The following GRIN2B variants were observed in gnomAD, a reference collection of about 807,000 sequenced individuals.
GRIN2B encodes glutamate ionotropic receptor NMDA type subunit 2B.
A neutral mutation model predicts 114.5 loss-of-function variants in GRIN2B; 5 were observed. The observed-to-expected ratio is 0.04, with a 90% CI of 0.02 to 0.09. GRIN2B has a LOEUF of 0.09. Among genes scored for constraint, GRIN2B ranks in the 10% least tolerant of loss-of-function variants. The pLI is 1.00. For synonymous variants in GRIN2B, 787 were observed against 745.1 expected (o/e 1.06, Z -0.92); for missense variants, 1,108 against 1,943.5 (o/e 0.57, Z 8.08).
chr12:13,932,825 C>G (rs955195337), intron 2 of GRIN2B, among the ~76,000 whole-genome samples: 3 of 152,110 alleles, frequency 2.0e-5, no homozygotes, highest in African/African-American at 7.2e-5. Context: ...ACCACAAAAG[C>G]CTAATTTCTA....
At chr12:13,931,687 C>T (rs900480313) in intron 2 of GRIN2B, among the ~76,000 whole-genome samples, 1 of 152,210 alleles carries the variant, frequency 6.6e-6, no homozygotes, top group Non-Finnish European at 1.5e-5. Context: ...AAAACACTTC[C>T]TGTTTTCTTG....
chr12:13,571,529 C>A (rs1305922592), intron 11 of GRIN2B, among the ~76,000 whole-genome samples: 1 of 152,226 alleles, frequency 6.6e-6, no homozygotes, highest in Non-Finnish European at 1.5e-5. Flanking sequence ...TGCCCTCCTA[C>A]TTCTACATTT....
chr12:13,651,805 AC>A (rs1949815926), intron 5 of GRIN2B, among the ~76,000 whole-genome samples: 1 of 152,122 alleles, frequency 6.6e-6, no homozygotes, highest in African/African-American at 2.4e-5. Context: ...GAACAGATCC[AC>A]GTTTCTCTGA....
rs1805489 is a variant in GRIN2B, at chr12:13,587,744, C to T, written c.2011-15780G>A. Among the ~76,000 whole-genome samples, 1,043 of 152,196 alleles carry T rather than the reference C, an allele frequency of 6.9e-3. 6 individuals carry two copies. Among genetic ancestry groups the T allele is most frequent in the Non-Finnish European group, 0.012 (810 of 68,018 alleles). ...TTAAAATCAGAAGTCCTGTTTCATC[C>T]CAGGCTTGGAGCAGACACTTTTTCT... On this transcript the variant is annotated intron_variant, in intron 10 of 13. Coordinates refer to ENST00000609686, the MANE Select transcript of GRIN2B (RefSeq NM_000834.5).
At chr12:13,866,794 A>G (rs1259579012) in intron 2 of GRIN2B, among the ~76,000 whole-genome samples, 1 of 152,216 alleles carries the variant, frequency 6.6e-6, no homozygotes, top group Non-Finnish European at 1.5e-5. Flanking sequence ...GGCTCTTAAT[A>G]TTAAACTACA....
chr12:13,941,706 C>G (rs1867258056), intron 2 of GRIN2B, among the ~76,000 whole-genome samples: 1 of 152,180 alleles, frequency 6.6e-6, no homozygotes, highest in African/African-American at 2.4e-5. Context: ...CCCAGGGGAC[C>G]ATCACTGCAG....
chr12:13,926,323 C>A (rs1049086034), intron 2 of GRIN2B, among the ~76,000 whole-genome samples: 2 of 152,194 alleles, frequency 1.3e-5, no homozygotes, highest in Non-Finnish European at 2.9e-5. Context: ...TGCTCTTGTT[C>A]TGTACCTTAT....
chr12:13,940,291 C>T (rs929146825), intron 2 of GRIN2B, among the ~76,000 whole-genome samples: 8 of 152,128 alleles, frequency 5.3e-5, no homozygotes, highest in Non-Finnish European at 7.4e-5. Flanking sequence ...TGGGCTTTAC[C>T]TCAGACTGCT....
At chr12:13,796,743 T>C (rs747298574) in intron 3 of GRIN2B, among the ~76,000 whole-genome samples, 5 of 152,156 alleles carry the variant, frequency 3.3e-5, no homozygotes, top group Non-Finnish European at 5.9e-5. Flanking sequence ...CTTGGGAGCA[T>C]GAACTGAAAG....
chr12:13,692,760 C>CTTTCTTTTTTTTTTTTTTT lies in GRIN2B; in HGVS notation c.1011-16902_1011-16901insAAAAAAAAAAAAAAAGAAA, dbSNP rs1427827056. Among the ~76,000 whole-genome samples the CTTTCTTTTTTTTTTTTTTT allele has an allele frequency of 8.3e-3, 430 of 51,912 alleles. 48 individuals are homozygous for CTTTCTTTTTTTTTTTTTTT. The highest frequency in any genetic ancestry group is 0.012 in the Middle Eastern group (1 of 86). 34.1% of individuals were successfully genotyped at this position (51,912 alleles called of 152,430 possible). On this transcript the variant is annotated intron_variant, in intron 4 of 13. Coordinates refer to ENST00000609686, the MANE Select transcript of GRIN2B (RefSeq NM_000834.5). ...ACTTATTTTCATTAATCTTTCTTTT[C>CTTTCTTTTTTTTTTTTTTT]TTTTTTTTTTTTTTTTTTTTTTTTT... is the stretch of plus-strand genomic sequence containing the variant.
Position 13,596,129 on chromosome 12 carries a change from T to C in GRIN2B, c.2010+12474A>G, listed in dbSNP as rs140624213. Among the ~76,000 whole-genome samples the C allele has an allele frequency of 7.2e-5, 11 of 152,194 alleles. No individual in the cohort carries two copies. The East Asian group carries it at 2.1e-3, about 29-fold the overall frequency. ...AATGCTGTTAGCCATCTTGTTCAAT[T>C]TGTATTTGAGGCCACTCACAGACAT... On this transcript the variant is annotated intron_variant, in intron 10 of 13. Transcript: ENST00000609686.
intron 2 of GRIN2B, among the ~76,000 whole-genome samples, chr12:13,923,857 C>T (rs1331566050): frequency 1.3e-5 from 2 of 152,126 alleles, no homozygotes; most frequent in African/African-American, 4.8e-5. Flanking sequence ...ATGGATGTTT[C>T]TACCATTGAA....
intron 10 of GRIN2B, among the ~76,000 whole-genome samples, chr12:13,600,070 G>T (rs539272924): frequency 3.3e-5 from 5 of 152,280 alleles, no homozygotes; most frequent in African/African-American, 1.2e-4. Context: ...ATGCTAGTTT[G>T]CATAGTTGCA....
rs1237334842 is a variant in GRIN2B, at chr12:13,958,383, G to A, written c.-19+21545C>T. Among the ~76,000 whole-genome samples the A allele has an allele frequency of 2.0e-5, 3 of 152,286 alleles. No homozygotes were observed. In the East Asian group the frequency reaches 5.8e-4, roughly 29 times the overall value. ...TGCCCAGGAGCAAGTCACATGAGCT[G>A]CCCTAGCCTTCACTTCCTCAGCTGC... On this transcript the variant is annotated intron_variant, in intron 2 of 13. Transcript: ENST00000609686.
At chr12:13,866,298 A>G in intron 2 of GRIN2B, 72 bp from the exon 3 acceptor site, 4 of 1,333,638 alleles carry the variant, frequency 3.0e-6, no homozygotes, top group Non-Finnish European at 4.2e-6. Context: ...GAGGCTAGAT[A>G]CTGCAATTCA....
At chr12:13,957,019 C>T (rs904261432) in intron 2 of GRIN2B, among the ~76,000 whole-genome samples, 3 of 152,096 alleles carry the variant, frequency 2.0e-5, no homozygotes. Flanking sequence ...AGGTTATTTT[C>T]TTATAGGCAT....
chr12:13,846,613 T>G (rs1023784122), intron 3 of GRIN2B, among the ~76,000 whole-genome samples: 2 of 152,202 alleles, frequency 1.3e-5, no homozygotes, highest in African/African-American at 2.4e-5. Context: ...AAAAAGCAAT[T>G]AAATCATTTC....
At chr12:13,595,776 G>A (rs910995031) in intron 10 of GRIN2B, among the ~76,000 whole-genome samples, 5 of 152,230 alleles carry the variant, frequency 3.3e-5, no homozygotes, top group Admixed American at 3.3e-4. Flanking sequence ...GCAGGTGAGA[G>A]CGCCTCTTGC....
At chr12:13,817,379 C>G (rs1474466701) in intron 3 of GRIN2B, among the ~76,000 whole-genome samples, 1 of 152,146 alleles carries the variant, frequency 6.6e-6, no homozygotes, top group Non-Finnish European at 1.5e-5. Flanking sequence ...TCAGCAGATG[C>G]TCGGGAACTC....
Sources: allele counts gnomAD v4.1 joint callset (sites outside exome capture counted in the v4.1 genomes callset), GRCh38; gene constraint gnomAD v4.1.1; transcripts MANE v1.5; gene names NCBI Gene and HGNC (gene_info 2026-07-23, HGNC 2026-07-21).